LSAMP: variants seen among roughly 807,000 people sequenced by gnomAD.
LSAMP encodes the protein limbic system associated membrane protein.
In LSAMP, 7 loss-of-function variants were observed where a neutral mutation model predicts 38.6. That is an observed-to-expected ratio of 0.18 (90% CI 0.10 to 0.34). LSAMP has a LOEUF of 0.34. LSAMP is among the 10% of genes least tolerant of loss of function. The pLI, the probability that LSAMP is intolerant of heterozygous loss-of-function variation, is 1.00. For missense variants in LSAMP, 313 were observed against 420.0 expected, an observed-to-expected ratio of 0.75 and a Z score of 2.23; for synonymous variants, 154 against 166.8, an observed-to-expected ratio of 0.92 and a Z score of 0.59.
intron 1 of LSAMP, among the ~76,000 whole-genome samples, chr3:116,153,768 CT>C (rs1709677770): frequency 6.6e-6 from 1 of 152,046 alleles, no homozygotes; most frequent in Non-Finnish European, 1.5e-5. Flanking sequence ...ATCTACAGTA[CT>C]TAGCAACTAC....
At chr3:116,135,657 C>G (rs1435668650) in intron 1 of LSAMP, among the ~76,000 whole-genome samples, 2 of 152,178 alleles carry the variant, frequency 1.3e-5, no homozygotes, top group African/African-American at 4.8e-5. Context: ...CCAGAAATCA[C>G]TGCTGGCTGA....
chr3:116,283,984 T>A (rs1479080261), intron 1 of LSAMP, among the ~76,000 whole-genome samples: 1 of 151,958 alleles, frequency 6.6e-6, no homozygotes, highest in Non-Finnish European at 1.5e-5. Flanking sequence ...CAAACCTGGG[T>A]GATAGAGTGA....
At chr3:116,142,229 C>T (rs948515643) in intron 1 of LSAMP, among the ~76,000 whole-genome samples, 3 of 152,002 alleles carry the variant, frequency 2.0e-5, no homozygotes, top group Non-Finnish European at 4.4e-5. Context: ...TTGTTAATTG[C>T]AAAGGGTGGC....
chr3:116,186,010 A>AT (rs11378690), intron 1 of LSAMP, among the ~76,000 whole-genome samples: 18,427 of 151,908 alleles, frequency 0.12, 1,924 homozygotes, highest in African/African-American at 0.29. Context: ...ATGTAAGCTG[A>AT]TTTTTTTAAT....
rs572839623 is a variant in LSAMP at position 115,907,101 on chromosome 3, C to T, written c.515-54484G>A. 3.1e-4 allele frequency among the ~76,000 whole-genome samples: 47 copies of T among 152,244 alleles called. No homozygotes were observed. In the South Asian group the frequency reaches 9.8e-3, roughly 32 times the overall value. ...GACTGTTAAACAACTCCAGCATACC[C>T]AGTGTTATTTGCTACAGTCTCCTTC... On this transcript the variant is annotated intron_variant, in intron 3 of 6. Coordinates refer to ENST00000490035, the MANE Select transcript of LSAMP (RefSeq NM_002338.5).
intron 2 of LSAMP, among the ~76,000 whole-genome samples, chr3:116,070,900 C>T (rs943439633): frequency 9.2e-5 from 14 of 151,808 alleles, no homozygotes; most frequent in African/African-American, 2.7e-4. Flanking sequence ...ATTAGCTGGG[C>T]GTGGTGTCAC....
intron 1 of LSAMP, among the ~76,000 whole-genome samples, chr3:116,113,054 A>G (rs1438485060): frequency 6.6e-6 from 1 of 152,078 alleles, no homozygotes; most frequent in African/African-American, 2.4e-5. Flanking sequence ...AGCATAAGAG[A>G]AATATGAGGC....
At chr3:116,367,530 G>C (rs2048370556) in intron 1 of LSAMP, among the ~76,000 whole-genome samples, 1 of 141,174 alleles carries the variant, frequency 7.1e-6, no homozygotes, top group South Asian at 2.2e-4. Context: ...TTGAGACAGA[G>C]CTTAGCTCTT....
At chr3:116,053,708 C>T (rs1380472230) in intron 2 of LSAMP, among the ~76,000 whole-genome samples, 1 of 152,040 alleles carries the variant, frequency 6.6e-6, no homozygotes. Context: ...TAAGGAAGTT[C>T]GTGGGAAAGA....
intron 1 of LSAMP, among the ~76,000 whole-genome samples, chr3:116,263,205 A>G (rs1413109822): frequency 6.6e-6 from 1 of 152,186 alleles, no homozygotes; most frequent in Non-Finnish European, 1.5e-5. Context: ...ATAATGAACT[A>G]TGTCTGCTCT....
chr3:115,918,974 T>C (rs1333775962), intron 3 of LSAMP, among the ~76,000 whole-genome samples: 1 of 152,154 alleles, frequency 6.6e-6, no homozygotes, highest in Non-Finnish European at 1.5e-5. Flanking sequence ...AACTCAGACC[T>C]AATGGACTCA....
intron 2 of LSAMP, among the ~76,000 whole-genome samples, chr3:116,022,745 A>G (rs904707247): frequency 1.3e-5 from 2 of 152,072 alleles, no homozygotes; most frequent in Non-Finnish European, 2.9e-5. Flanking sequence ...GATCTTACCT[A>G]TTTTCTAGCT....
At chr3:116,311,081 T>A (rs911160200) in intron 1 of LSAMP, among the ~76,000 whole-genome samples, 6 of 152,104 alleles carry the variant, frequency 3.9e-5, no homozygotes, top group Admixed American at 3.3e-4. Context: ...TTGAGGATCA[T>A]CACTTACAGA....
chr3:116,062,028 T>C (rs1052996900), intron 2 of LSAMP, among the ~76,000 whole-genome samples: 2 of 152,208 alleles, frequency 1.3e-5, no homozygotes, highest in Admixed American at 6.5e-5. Context: ...TTGTGGAAAA[T>C]GGAGCTTCCA....
intron 1 of LSAMP, among the ~76,000 whole-genome samples, chr3:116,184,155 T>C (rs1710554700): frequency 6.6e-6 from 1 of 151,916 alleles, no homozygotes; most frequent in Non-Finnish European, 1.5e-5. Flanking sequence ...TTTATCATCA[T>C]CATATCTTCA....
At position 116,075,545 on chromosome 3, in the gene LSAMP, G is replaced by A. The variant is rs548091324; in HGVS notation, c.388+10779C>T. Among the ~76,000 whole-genome samples the A allele has an allele frequency of 8.4e-4, 110 of 131,258 alleles. 1 individual carries two copies. Among genetic ancestry groups the A allele is most frequent in the African/African-American group, 3.0e-3 (108 of 35,778 alleles). The allele number at this position is 131,258 out of a possible 152,430, so 86.1% of individuals were successfully genotyped here. A position where few individuals can be genotyped will look rare whatever the true frequency, so the allele number is the denominator to read the frequency against. The stretch of plus-strand genomic sequence containing the variant: ...TATTTTGTTTTTAAATCACTTTATC[G>A]TTTTTTTTTTTTTTTAGATGGAGTC... On this transcript the variant is annotated intron_variant, in intron 2 of 6. Transcript: ENST00000490035.
intron 3 of LSAMP, among the ~76,000 whole-genome samples, chr3:115,869,656 A>C (rs1008934421): frequency 1.3e-5 from 2 of 152,074 alleles, no homozygotes; most frequent in African/African-American, 2.4e-5. Context: ...ACTAAATATT[A>C]ATTTCTTTTA....
intron 3 of LSAMP, among the ~76,000 whole-genome samples, chr3:116,015,128 C>G (rs1454116614): frequency 2.0e-5 from 3 of 152,158 alleles, no homozygotes; most frequent in East Asian, 1.9e-4. Context: ...AAAGTGAGAT[C>G]TGGTTTGTGG....
chr3:116,435,335 G>A (rs2049335085), intron 1 of LSAMP, among the ~76,000 whole-genome samples: 1 of 152,120 alleles, frequency 6.6e-6, no homozygotes, highest in Non-Finnish European at 1.5e-5. Context: ...CAAGGACTCT[G>A]TTCCTTTCCT....
Sources: gnomAD v4.1 joint callset for allele counts (sites outside exome capture counted in the v4.1 genomes callset) on GRCh38, gnomAD v4.1.1 for gene constraint, MANE v1.5 for transcripts, NCBI Gene and HGNC (gene_info 2026-07-23, HGNC 2026-07-21) for gene names.